CPEB3: variants seen among roughly 807,000 people sequenced by gnomAD.
The protein encoded by CPEB3 is cytoplasmic polyadenylation element binding protein 3, also known as cytoplasmic polyadenylation element-binding protein 3.
A neutral mutation model predicts 67.2 loss-of-function variants in CPEB3; 20 were observed. That is an observed-to-expected ratio of 0.30 (90% confidence interval 0.21 to 0.43). The LOEUF (loss-of-function observed/expected upper bound fraction) is 0.43. Among genes scored for constraint, CPEB3 ranks in the 20% least tolerant of loss-of-function variants. CPEB3 has a pLI of 1.00. For missense variants in CPEB3, 746 were observed against 968.6 expected, an observed-to-expected ratio of 0.77 and a Z score of 3.05; for synonymous variants, 376 against 393.1, an observed-to-expected ratio of 0.96 and a Z score of 0.51.
chr10:92,255,482 A>C (rs964995503), intron 1 of CPEB3, among the ~76,000 whole-genome samples: 7 of 152,220 alleles, frequency 4.6e-5, no homozygotes, highest in African/African-American at 1.7e-4. Context: ...TAAGAATTTA[A>C]GATGCCTTCC....
intron 3 of CPEB3, among the ~76,000 whole-genome samples, chr10:92,190,828 T>C (rs1848944898): frequency 6.6e-6 from 1 of 152,164 alleles, no homozygotes; most frequent in Admixed American, 6.5e-5. Flanking sequence ...TTTATCTCTT[T>C]TGACCCAAAG....
intron 1 of CPEB3, among the ~76,000 whole-genome samples, chr10:92,290,231 G>T (rs11186898): frequency 0.22 from 33,756 of 151,894 alleles, 4,711 homozygotes; most frequent in Middle Eastern, 0.34. Context: ...GCCACAGGTC[G>T]TCCAAAAAAC....
chr10:92,290,021 C>T (rs1842776312), intron 1 of CPEB3, among the ~76,000 whole-genome samples: 1 of 149,630 alleles, frequency 6.7e-6, no homozygotes, highest in South Asian at 2.1e-4. Context: ...GTTGTTTTTT[C>T]CCAGCAATGA....
rs1207905782 is a variant in CPEB3, at chr10:92,048,379, T to TCA, written c.*3832_*3833insTG. ...GGCAGTTTTTCTCTCTCTCTCTCTC[T>TCA]CTCTCTCTCACACACACACACACAC... On this transcript the variant is annotated 3_prime_UTR_variant, in exon 10 of 10. Coordinates refer to ENST00000265997, the MANE Select transcript of CPEB3 (RefSeq NM_014912.5). The surrounding 1 kb of genome is among the most constrained non-coding windows in gnomAD (Gnocchi z 4.1). 136 of 44,618 alleles carry TCA rather than the reference T, an allele frequency of 3.0e-3. No homozygotes were observed. The East Asian group carries it at 0.05, about 16-fold the overall frequency. 2.8% of individuals were successfully genotyped at this position (44,618 alleles called of 1,614,324 possible).
intron 2 of CPEB3, among the ~76,000 whole-genome samples, chr10:92,233,535 A>G (rs1222717105): frequency 6.6e-6 from 1 of 151,724 alleles, no homozygotes; most frequent in African/African-American, 2.4e-5. Context: ...TGTCTTTAAA[A>G]AAAAAAAAAA....
At chr10:92,080,028 G>A (rs1470892863) in intron 9 of CPEB3, among the ~76,000 whole-genome samples, 1 of 150,834 alleles carries the variant, frequency 6.6e-6, no homozygotes, top group Non-Finnish European at 1.5e-5. Flanking sequence ...GTGAAACCCC[G>A]TCTCTACTAA....
At chr10:92,221,239 T>TC (rs1850683808) in intron 2 of CPEB3, among the ~76,000 whole-genome samples, 1 of 152,216 alleles carries the variant, frequency 6.6e-6, no homozygotes, top group Non-Finnish European at 1.5e-5. Flanking sequence ...GTGCCTGTAA[T>TC]CCCAGCATTT....
chr10:92,246,730 G>A (rs944900690), intron 1 of CPEB3, among the ~76,000 whole-genome samples: 1 of 151,912 alleles, frequency 6.6e-6, no homozygotes, highest in African/African-American at 2.4e-5. Context: ...GGAGTGTCTT[G>A]ATCTCCTTAC....
At chr10:92,066,906 G>C (rs568305891) in intron 9 of CPEB3, among the ~76,000 whole-genome samples, 1 of 151,554 alleles carries the variant, frequency 6.6e-6, no homozygotes, top group Non-Finnish European at 1.5e-5. Context: ...AACATTAGCC[G>C]GGCATGATGG....
At chr10:92,168,308 A>T (rs1337689041) in intron 4 of CPEB3, among the ~76,000 whole-genome samples, 2 of 152,186 alleles carry the variant, frequency 1.3e-5, no homozygotes, top group Admixed American at 6.5e-5. Flanking sequence ...GCAAAACAGG[A>T]TTTATTTCTG....
At chr10:92,290,188 C>G (rs1430320736) in intron 1 of CPEB3, among the ~76,000 whole-genome samples, 1 of 151,972 alleles carries the variant, frequency 6.6e-6, no homozygotes, top group South Asian at 2.1e-4. Context: ...GGAAAACTAC[C>G]AGCGTCCTAC....
intron 2 of CPEB3, among the ~76,000 whole-genome samples, chr10:92,235,157 T>C (rs577464338): frequency 2.1e-4 from 32 of 152,160 alleles, no homozygotes; most frequent in African/African-American, 7.2e-4. Flanking sequence ...ACACTGAAGT[T>C]TGGGGATATT....
At chr10:92,111,027 A>G (rs1564788036) in intron 7 of CPEB3, 49 bp downstream of exon 7, 1 of 1,241,510 alleles carries the variant, frequency 8.1e-7, no homozygotes, top group South Asian at 1.2e-5. Context: ...CAGCTATTCC[A>G]ATAGCATATG....
intron 1 of CPEB3, among the ~76,000 whole-genome samples, chr10:92,288,331 G>A (rs1176541381): frequency 4.0e-5 from 6 of 151,846 alleles, no homozygotes; most frequent in South Asian, 2.1e-4. Context: ...ATGGTGGTGC[G>A]CCCCTGTAGT....
At chr10:92,204,196 G>GT (rs1268443611) in intron 2 of CPEB3, 1 of 152,156 alleles carries the variant, frequency 6.6e-6, no homozygotes, top group Middle Eastern at 3.2e-3. Context: ...TTCAATTGCT[G>GT]TTTGACTTGG....
chr10:92,166,392 A>T (rs1275500731), intron 4 of CPEB3, among the ~76,000 whole-genome samples: 3 of 152,168 alleles, frequency 2.0e-5, no homozygotes, highest in Non-Finnish European at 4.4e-5. Context: ...TACAGGCATG[A>T]GCCACCACAC....
At chr10:92,170,762 G>C (rs943504397) in intron 4 of CPEB3, among the ~76,000 whole-genome samples, 2 of 152,102 alleles carry the variant, frequency 1.3e-5, no homozygotes. Context: ...ACATAACAGA[G>C]TATTTTGTAT....
chr10:92,076,764 AAGGAAGAAG>A lies in CPEB3; in HGVS notation c.1869+4547_1869+4555del, dbSNP rs1564758514. Among the ~76,000 whole-genome samples the A allele has an allele frequency of 5.4e-5, 4 of 73,470 alleles. No homozygotes were observed. In the South Asian group the frequency reaches 3.9e-3, roughly 72 times the overall value. 48.2% of individuals were successfully genotyped at this position (73,470 alleles called of 152,430 possible). A position where few individuals can be genotyped will look rare whatever the true frequency, so the allele number is the denominator to read the frequency against. ...GTAAATAAAGGTTTCAAAGTAGAAG[AAGGAAGAAG>A]AAGGAGGAAGGAAGAAAAAGAAGGA... On this transcript the variant is annotated intron_variant, in intron 9 of 9. Transcript: ENST00000265997.
intron 2 of CPEB3, among the ~76,000 whole-genome samples, chr10:92,208,589 T>A (rs1849906796): frequency 6.6e-6 from 1 of 150,756 alleles, no homozygotes; most frequent in East Asian, 1.9e-4. Context: ...AGCCCTTTTT[T>A]TTTTTCTTTC....
Sources: allele counts gnomAD v4.1 joint callset (sites outside exome capture counted in the v4.1 genomes callset), GRCh38; gene constraint gnomAD v4.1.1; non-coding constraint Gnocchi (gnomAD v3.1); transcripts MANE v1.5; gene names NCBI Gene and HGNC (gene_info 2026-07-23, HGNC 2026-07-21).